The following VEPH1 variants were observed in gnomAD, a reference collection of about 807,000 sequenced individuals.
VEPH1 encodes the protein ventricular zone-expressed PH domain-containing protein homolog 1.
A neutral mutation model predicts 85.2 loss-of-function variants in VEPH1; 80 were observed. The ratio of observed to expected loss-of-function variants is 0.94; its 90% CI spans 0.78 to 1.13. The LOEUF (loss-of-function observed/expected upper bound fraction) is 1.13, where lower values mean the gene tolerates loss of function less well. Ranked by LOEUF, VEPH1 falls within the 50% of genes most tolerant of loss-of-function variation. The pLI is 0.00. For missense variants in VEPH1, 955 were observed against 980.5 expected, an observed-to-expected ratio of 0.97 and a Z score of 0.35; for synonymous variants, 297 against 348.0, an observed-to-expected ratio of 0.85 and a Z score of 1.63.
At chr3:157,401,672 T>C (rs1478624148) in intron 6 of VEPH1, among the ~76,000 whole-genome samples, 1 of 152,132 alleles carries the variant, frequency 6.6e-6, no homozygotes, top group African/African-American at 2.4e-5. Context: ...ATAATTTCTC[T>C]GGTACCTTAC....
intron 3 of VEPH1, 54 bp from the exon 4 acceptor site, chr3:157,460,409 C>T (rs771750950): frequency 6.4e-7 from 1 of 1,558,404 alleles, no homozygotes; most frequent in Non-Finnish European, 8.7e-7. Context: ...TTCATTTATT[C>T]ATTCATTCAC....
intron 12 of VEPH1, among the ~76,000 whole-genome samples, chr3:157,267,102 C>CT (rs10537483): frequency 0.17 from 21,208 of 124,600 alleles, 2,162 homozygotes; most frequent in Non-Finnish European, 0.25. Flanking sequence ...TCTTTTTTTT[C>CT]TTTTTTTTTT....
intron 5 of VEPH1, among the ~76,000 whole-genome samples, chr3:157,420,204 A>G (rs1365023064): frequency 6.6e-6 from 1 of 152,026 alleles, no homozygotes; most frequent in African/African-American, 2.4e-5. Context: ...GGAAAGTATC[A>G]GGTAGAATAG....
intron 7 of VEPH1, among the ~76,000 whole-genome samples, chr3:157,368,373 G>A (rs192960977): frequency 1.3e-5 from 2 of 152,338 alleles, no homozygotes; most frequent in East Asian, 1.9e-4. Flanking sequence ...TGCTGGGCAT[G>A]ACACTCACTG....
chr3:157,310,002 A>G (rs1299853780), intron 11 of VEPH1, among the ~76,000 whole-genome samples: 2 of 151,604 alleles, frequency 1.3e-5, no homozygotes, highest in Non-Finnish European at 2.9e-5. Context: ...CTGGTCTTGA[A>G]CTCCTGACCT....
At chr3:157,272,896 A>G (rs530420403) in intron 12 of VEPH1, among the ~76,000 whole-genome samples, 1 of 152,262 alleles carries the variant, frequency 6.6e-6, no homozygotes, top group South Asian at 2.1e-4. Context: ...ACTTGCCATC[A>G]CCTTTCTTCT....
At chr3:157,313,898 T>TA in intron 10 of VEPH1, 143 bp from the exon 11 acceptor site, 1 of 1,102,904 alleles carries the variant, frequency 9.1e-7, no homozygotes, top group Non-Finnish European at 1.3e-6. Flanking sequence ...AGATCTGTCT[T>TA]AAAGATCGAA....
At chr3:157,328,487 T>C (rs1391581889) in intron 9 of VEPH1, among the ~76,000 whole-genome samples, 7 of 152,192 alleles carry the variant, frequency 4.6e-5, no homozygotes, top group African/African-American at 1.7e-4. Flanking sequence ...ATGAACTTAC[T>C]ACACAGCTAA....
At chr3:157,296,363 G>A (rs1352229005) in intron 11 of VEPH1, among the ~76,000 whole-genome samples, 1 of 152,190 alleles carries the variant, frequency 6.6e-6, no homozygotes, top group East Asian at 1.9e-4. Context: ...GTTTAGTGAA[G>A]CAAAGAGACT....
chr3:157,428,911 A>C (rs923843143), intron 4 of VEPH1, among the ~76,000 whole-genome samples: 2 of 152,264 alleles, frequency 1.3e-5, no homozygotes, highest in South Asian at 4.1e-4. Context: ...GTGCAAAGGA[A>C]TGAATTCACA....
chr3:157,410,863 A>G (rs748839924), intron 6 of VEPH1, among the ~76,000 whole-genome samples: 2 of 152,176 alleles, frequency 1.3e-5, no homozygotes, highest in African/African-American at 4.8e-5. Context: ...AGATCCACAA[A>G]TGTGAAATGA....
chr3:157,311,474 C>T (rs1386010236), intron 11 of VEPH1, among the ~76,000 whole-genome samples: 4 of 152,108 alleles, frequency 2.6e-5, no homozygotes, highest in African/African-American at 9.7e-5. Flanking sequence ...TCAAAAAAAT[C>T]GGAAAAAATC....
At chr3:157,386,835 C>T (rs140935960) in intron 6 of VEPH1, among the ~76,000 whole-genome samples, 1 of 152,322 alleles carries the variant, frequency 6.6e-6, no homozygotes, top group African/African-American at 2.4e-5. Context: ...TTTAAACCAC[C>T]ATTGCTTTGT....
rs1231658691 is a variant in VEPH1 at position 157,261,184 on chromosome 3, C to G, written c.2452G>C (p.Val818Leu). ...EEWLQCINVA[V>L]AQAKERESRE... Reference sequence around the variant, plus strand: ...CTTTCCCTTTCTTTGGCTTGGGCAACTGCCACGTTGATGCACTGGAGCCAT... The same window carrying G: ...CTTTCCCTTTCTTTGGCTTGGGCAAGTGCCACGTTGATGCACTGGAGCCAT... The change falls in exon 14 of 14, where the codon GTT becomes CTT. Residue 818 changes from valine (V) to leucine (L), a missense_variant. By Grantham distance (32) the Val-to-Leu change is conservative. Transcript: ENST00000362010. 1 of 1,613,712 alleles carries G rather than the reference C, an allele frequency of 6.2e-7. No individual in the cohort carries two copies. Among genetic ancestry groups the G allele is most frequent in the African/African-American group, 1.3e-5 (1 of 74,888 alleles).
chr3:157,390,324 T>A (rs1405146524), intron 6 of VEPH1, among the ~76,000 whole-genome samples: 2 of 152,180 alleles, frequency 1.3e-5, no homozygotes, highest in Non-Finnish European at 2.9e-5. Flanking sequence ...CCAATCCCAA[T>A]CTCATAGAAT....
intron 4 of VEPH1, chr3:157,437,700 G>A: frequency 6.5e-7 from 1 of 1,532,182 alleles, no homozygotes; most frequent in Non-Finnish European, 8.7e-7. Context: ...GCGCGCCGGG[G>A]GCTCCCGCAG....
chr3:157,496,938 C>A (rs1467743688), intron 1 of VEPH1, among the ~76,000 whole-genome samples: 2 of 152,120 alleles, frequency 1.3e-5, no homozygotes, highest in Admixed American at 6.6e-5. Context: ...TATCTATGTA[C>A]CAGGCATAAA....
intron 12 of VEPH1, among the ~76,000 whole-genome samples, chr3:157,267,249 C>A (rs1464714137): frequency 6.6e-6 from 1 of 151,468 alleles, no homozygotes; most frequent in Admixed American, 6.6e-5. Flanking sequence ...GTATTCGCCA[C>A]CACGCTCGGC....
intron 12 of VEPH1, among the ~76,000 whole-genome samples, chr3:157,267,985 G>A (rs1202526598): frequency 1.3e-5 from 2 of 152,176 alleles, no homozygotes; most frequent in Non-Finnish European, 2.9e-5. Context: ...AGAAGCTCTG[G>A]TGGAGGCTAC....
Sources: allele counts gnomAD v4.1 joint callset (sites outside exome capture counted in the v4.1 genomes callset), GRCh38; gene constraint gnomAD v4.1.1; transcripts MANE v1.5; gene names NCBI Gene and HGNC (gene_info 2026-07-23, HGNC 2026-07-21).